Variants in ZNF609 observed in about 807,000 individuals in gnomAD.
The protein encoded by ZNF609 is zinc finger protein 609.
Under a neutral mutation model 109.5 loss-of-function variants are expected in ZNF609, and 11 were observed. The ratio of observed to expected loss-of-function variants is 0.10; its 90% CI spans 0.06 to 0.17. ZNF609 has a LOEUF of 0.17. Among genes scored for constraint, ZNF609 ranks in the 10% least tolerant of loss-of-function variants. The pLI, the probability that ZNF609 is intolerant of heterozygous loss-of-function variation, is 1.00. For synonymous variants in ZNF609, 646 were observed against 662.0 expected (o/e 0.98, Z 0.37); for missense variants, 1,559 against 1,772.4 (o/e 0.88, Z 2.16).
intron 6 of ZNF609, among the ~76,000 whole-genome samples, 163 bp downstream of exon 6, chr15:64,678,645 A>G (rs1048256565): frequency 4.6e-5 from 7 of 152,172 alleles, no homozygotes; most frequent in Non-Finnish European, 5.9e-5. Context: ...ACCATAACCC[A>G]TAGTTCCTTG....
rs143066522 is a variant in ZNF609 at position 64,673,954 on chromosome 15, A to G, written c.1100A>G (p.Asn367Ser). 2.1e-5 allele frequency: 34 copies of G among 1,613,496 alleles called. No homozygotes were observed. Among genetic ancestry groups the G allele is most frequent in the South Asian group, 6.6e-5 (6 of 91,054 alleles). Residue 367 changes from asparagine to serine, a missense_variant, in exon 5 of 10, where the codon AAT (asparagine) becomes AGT (serine). By Grantham distance (46) the Asn-to-Ser change is conservative. Around this residue, in one of 4 missense-constraint regions of ZNF609, gnomAD observed 1,204 missense variants for 1,314.1 expected, o/e 0.92. Coordinates refer to ENST00000326648, the MANE Select transcript of ZNF609 (RefSeq NM_015042.2). ...CCGACCAGTGACCTGGAAATGCGCA[A>G]TGGCCGGGGTAGAGGCAAACGCATG... ...DSPTSDLEMR[N>S]GRGRGKRMRP... is the part of the protein sequence containing the mutation.
intron 3 of ZNF609, among the ~76,000 whole-genome samples, chr15:64,635,730 G>A (rs1455752852): frequency 1.3e-5 from 2 of 152,192 alleles, no homozygotes; most frequent in African/African-American, 4.8e-5. Context: ...TTGGCAACTA[G>A]CCTTTTCTCC....
At position 64,499,646 on chromosome 15, in the gene ZNF609, C is replaced by T. The variant is rs1234955876; in HGVS notation, c.227C>T (p.Thr76Ile). 6.2e-7 allele frequency: 1 copy of T among 1,614,092 alleles called. No individual in the cohort carries two copies. Among genetic ancestry groups the T allele is most frequent in the Non-Finnish European group, 8.5e-7 (1 of 1,180,014 alleles). Residue 76 changes from threonine (T) to isoleucine (I), a missense_variant, in exon 2 of 10, where the codon ACC (threonine) becomes ATC (isoleucine). Around this residue, in one of 4 missense-constraint regions of ZNF609, gnomAD observed 291 missense variants for 317.8 expected, o/e 0.92. Transcript: ENST00000326648. ...ATLPDNIKFVTPVPGPQGKEG... is the reference protein window; with the variant it reads ...ATLPDNIKFVIPVPGPQGKEG... Reference sequence around the variant, plus strand: ...CTACCAGACAACATCAAGTTTGTGACCCCAGTGCCAGGTCCTCAAGGGAAG... The same window carrying T: ...CTACCAGACAACATCAAGTTTGTGATCCCAGTGCCAGGTCCTCAAGGGAAG...
At chr15:64,504,641 T>G (rs1182259193) in intron 2 of ZNF609, among the ~76,000 whole-genome samples, 4 of 151,674 alleles carry the variant, frequency 2.6e-5, no homozygotes, top group Admixed American at 6.6e-5. Flanking sequence ...GGCTAGTTTT[T>G]TTTTTTTTTT....
At chr15:64,619,465 A>T (rs1451196354) in intron 2 of ZNF609, among the ~76,000 whole-genome samples, 3 of 152,216 alleles carry the variant, frequency 2.0e-5, no homozygotes, top group African/African-American at 7.2e-5. Context: ...ATGTGACCAA[A>T]TGGTAATTAA....
At chr15:64,639,042 T>C (rs1396181309) in intron 3 of ZNF609, among the ~76,000 whole-genome samples, 1 of 152,162 alleles carries the variant, frequency 6.6e-6, no homozygotes, top group Non-Finnish European at 1.5e-5. Context: ...GAAGGATCAT[T>C]TGAGCCCAGG....
At chr15:64,623,583 A>G (rs995721494) in intron 3 of ZNF609, among the ~76,000 whole-genome samples, 1 of 152,120 alleles carries the variant, frequency 6.6e-6, no homozygotes, top group Non-Finnish European at 1.5e-5. Context: ...GTCACTTGGT[A>G]CAGATTTTAT....
chr15:64,575,017 C>T (rs1031104687), intron 2 of ZNF609, among the ~76,000 whole-genome samples: 5 of 152,112 alleles, frequency 3.3e-5, no homozygotes, highest in African/African-American at 1.2e-4. Context: ...ATTAATGGGG[C>T]TTGTATGTGG....
intron 2 of ZNF609, among the ~76,000 whole-genome samples, chr15:64,546,935 C>T (rs946483237): frequency 1.6e-4 from 25 of 151,834 alleles, no homozygotes; most frequent in East Asian, 5.8e-4. Context: ...GGACCACAGG[C>T]GCACGCCACC....
At chr15:64,482,876 T>C (rs1045743144) in intron 1 of ZNF609, among the ~76,000 whole-genome samples, 2 of 152,190 alleles carry the variant, frequency 1.3e-5, no homozygotes, top group Non-Finnish European at 2.9e-5. Context: ...ATTAGCAAAC[T>C]GATTTTCTGA....
chr15:64,669,690 C>T (rs561675823), intron 3 of ZNF609, among the ~76,000 whole-genome samples: 10 of 151,462 alleles, frequency 6.6e-5, no homozygotes, highest in East Asian at 1.9e-4. Flanking sequence ...TTTTTTGAGA[C>T]GGAGTCTCAC....
intron 2 of ZNF609, among the ~76,000 whole-genome samples, chr15:64,537,946 C>CAA (rs764180970): frequency 1.4e-5 from 2 of 147,618 alleles, no homozygotes; most frequent in South Asian, 2.1e-4. Flanking sequence ...ACTAAAAATA[C>CAA]AAAAAAAAAA....
At chr15:64,667,673 T>C (rs1441993537) in intron 3 of ZNF609, among the ~76,000 whole-genome samples, 1 of 151,710 alleles carries the variant, frequency 6.6e-6, no homozygotes, top group Non-Finnish European at 1.5e-5. Context: ...GATCAGGCCA[T>C]TGCACTTCAG....
chr15:64,636,401 T>G (rs1227380105), intron 3 of ZNF609, among the ~76,000 whole-genome samples: 2 of 152,198 alleles, frequency 1.3e-5, no homozygotes, highest in African/African-American at 2.4e-5. Context: ...GTTTTCTCCT[T>G]AGGGTATCTA....
At chr15:64,517,779 A>T (rs1480849406) in intron 2 of ZNF609, among the ~76,000 whole-genome samples, 2 of 151,056 alleles carry the variant, frequency 1.3e-5, no homozygotes, top group Non-Finnish European at 2.9e-5. Flanking sequence ...AATAAAAATT[A>T]TACATATATA....
At chr15:64,473,188 G>GTTTTTTTTTTTTTT (rs1893114721) in intron 1 of ZNF609, among the ~76,000 whole-genome samples, 2 of 124,290 alleles carry the variant, frequency 1.6e-5, no homozygotes, top group Admixed American at 7.6e-5. Flanking sequence ...CTCATATTTG[G>GTTTTTTTTTTTTTT]TTCTTTTTTT....
chr15:64,573,104 G>A (rs539862870), intron 2 of ZNF609, among the ~76,000 whole-genome samples: 1 of 152,158 alleles, frequency 6.6e-6, no homozygotes, highest in South Asian at 2.1e-4. Context: ...CCAACGTGTA[G>A]CAGACATGAA....
intron 3 of ZNF609, among the ~76,000 whole-genome samples, chr15:64,634,338 C>T (rs1337154319): frequency 3.3e-5 from 5 of 152,124 alleles, no homozygotes; most frequent in African/African-American, 1.2e-4. Flanking sequence ...AGTTAGTCTG[C>T]CTGTGGTAGC....
chr15:64,661,028 G>T (rs1314319346), intron 3 of ZNF609, among the ~76,000 whole-genome samples: 1 of 152,028 alleles, frequency 6.6e-6, no homozygotes, highest in Non-Finnish European at 1.5e-5. Context: ...GCGTGATGTG[G>T]ACTCACTGCT....
Sources: gnomAD v4.1 joint callset for allele counts (sites outside exome capture counted in the v4.1 genomes callset) on GRCh38, gnomAD v4.1.1 for gene constraint, gnomAD v4.1.1 regional missense constraint, MANE v1.5 for transcripts, NCBI Gene and HGNC (gene_info 2026-07-23, HGNC 2026-07-21) for gene names.